Variants in WDR27 observed in about 807,000 individuals in gnomAD.
WDR27 encodes the protein WD repeat-containing protein 27.
Under a neutral mutation model 114.4 loss-of-function variants are expected in WDR27, and 100 were observed. That is an observed-to-expected ratio of 0.87 (90% confidence interval 0.74 to 1.03). WDR27 has a LOEUF of 1.03. Ranked by LOEUF, WDR27 falls within the 50% of genes least tolerant of loss-of-function variation. The pLI is 0.00. For missense variants in WDR27, 1,129 were observed against 1,092.9 expected (o/e 1.03, Z -0.47); for synonymous variants, 449 against 423.1 (o/e 1.06, Z -0.75).
intron 21 of WDR27, among the ~76,000 whole-genome samples, chr6:169,618,186 T>C (rs1812305903): frequency 6.6e-6 from 1 of 152,222 alleles, no homozygotes; most frequent in Non-Finnish European, 1.5e-5. Context: ...CATAAGTGAC[T>C]ATTCCTGAAA....
chr6:169,574,493 T>C (rs1235536234), intron 24 of WDR27, among the ~76,000 whole-genome samples: 1 of 152,194 alleles, frequency 6.6e-6, no homozygotes, highest in Non-Finnish European at 1.5e-5. Flanking sequence ...AAAAGTGATG[T>C]GAGTTCCCTG....
At chr6:169,620,103 T>A (rs1812754042) in intron 21 of WDR27, among the ~76,000 whole-genome samples, 1 of 152,210 alleles carries the variant, frequency 6.6e-6, no homozygotes, top group Admixed American at 6.5e-5. Context: ...GCATGACTCC[T>A]CAGACCCCTT....
At chr6:169,689,473 C>T (rs190958479) in intron 1 of WDR27, among the ~76,000 whole-genome samples, 9 of 152,308 alleles carry the variant, frequency 5.9e-5, no homozygotes, top group Middle Eastern at 3.4e-3. Context: ...TAGGAAACTG[C>T]AATTGGAACC....
intron 14 of WDR27, among the ~76,000 whole-genome samples, chr6:169,651,456 T>A (rs1822535420): frequency 6.6e-6 from 1 of 152,098 alleles, no homozygotes; most frequent in Non-Finnish European, 1.5e-5. Flanking sequence ...CTCCTCATGG[T>A]TTCTCAGCTG....
At chr6:169,603,422 A>G (rs1360360492) in intron 22 of WDR27, among the ~76,000 whole-genome samples, 1 of 152,166 alleles carries the variant, frequency 6.6e-6, no homozygotes, top group Admixed American at 6.5e-5. Flanking sequence ...AAAAAAAAAG[A>G]AACACAAAGA....
At chr6:169,652,205 G>A (rs2128245155) in intron 13 of WDR27, among the ~76,000 whole-genome samples, 197 bp from the exon 14 acceptor site, 1 of 152,314 alleles carries the variant, frequency 6.6e-6, no homozygotes, top group East Asian at 1.9e-4. Context: ...GGATTAAAAG[G>A]ATAAGAAAAT....
chr6:169,430,858 C>T, the WDR27 span, among the ~76,000 whole-genome samples: 5 of 152,206 alleles, frequency 3.3e-5, no homozygotes, highest in East Asian at 5.8e-4. Context: ...GTTTCTTTAA[C>T]CATGGCATCA....
the WDR27 span, chr6:169,426,457 C>T: frequency 1.3e-5 from 2 of 152,160 alleles, no homozygotes; most frequent in East Asian, 1.9e-4. Flanking sequence ...TAAAGGTTAA[C>T]CGTCTCAAAT....
intron 25 of WDR27, among the ~76,000 whole-genome samples, chr6:169,531,288 T>C (rs1795559033): frequency 6.6e-6 from 1 of 152,244 alleles, no homozygotes; most frequent in South Asian, 2.1e-4. Context: ...TCATTTTTTT[T>C]CTACTGGAGT....
chr6:169,659,424 CAGGGAGGGCCGCGTCTCA>C lies in WDR27; in HGVS notation c.1197+9_1197+26del, dbSNP rs747995408. On this transcript the variant is annotated intron_variant, in intron 11 of 25. Coordinates refer to ENST00000448612, the MANE Select transcript of WDR27 (RefSeq NM_182552.5). This position sits in a 1 kb window ranked among gnomAD's most constrained non-coding sequence, Gnocchi z 4.3. ...AGAAATCAGAGGCACGTCTCATAGACAGGGAGGGCCGCGTCTCAGGACTGACCTTTTGATCCGCAGTGC... is the reference window on the plus strand; with the variant it reads ...AGAAATCAGAGGCACGTCTCATAGACGGACTGACCTTTTGATCCGCAGTGC... The C allele has an allele frequency of 6.2e-7, 1 of 1,602,292 alleles. No homozygotes were observed. Among genetic ancestry groups the C allele is most frequent in the South Asian group, 1.1e-5 (1 of 89,372 alleles).
intron 25 of WDR27, among the ~76,000 whole-genome samples, chr6:169,466,033 C>T (rs1038091443): frequency 1.3e-5 from 2 of 152,140 alleles, no homozygotes; most frequent in African/African-American, 4.8e-5. Context: ...GTGTATTTTA[C>T]CACAATAGAA....
At chr6:169,562,632 T>C (rs1799828310) in intron 25 of WDR27, among the ~76,000 whole-genome samples, 1 of 151,886 alleles carries the variant, frequency 6.6e-6, no homozygotes, top group Non-Finnish European at 1.5e-5. Flanking sequence ...CCAGGCTGCG[T>C]GAGTGCCCCG....
the WDR27 span, among the ~76,000 whole-genome samples, chr6:169,433,303 A>G: frequency 6.6e-6 from 1 of 152,026 alleles, no homozygotes; most frequent in Non-Finnish European, 1.5e-5. Context: ...ATGTGTTCTC[A>G]TTGTCCAACT....
intron 24 of WDR27, among the ~76,000 whole-genome samples, chr6:169,575,310 ATCCC>A (rs1369434114): frequency 2.3e-4 from 15 of 64,294 alleles, no homozygotes; most frequent in African/African-American, 1.1e-3. Flanking sequence ...CCATCCATCC[ATCCC>A]TCCCTCCCTC....
chr6:169,528,419 GA>G (rs1198140488), intron 25 of WDR27, among the ~76,000 whole-genome samples: 1 of 152,182 alleles, frequency 6.6e-6, no homozygotes, highest in Non-Finnish European at 1.5e-5. Flanking sequence ...TTTCAGGCAG[GA>G]AGTGAGTGGC....
At chr6:169,643,175 G>A (rs1819659281) in intron 17 of WDR27, among the ~76,000 whole-genome samples, 1 of 152,108 alleles carries the variant, frequency 6.6e-6, no homozygotes, top group Non-Finnish European at 1.5e-5. Flanking sequence ...AGCCATATCA[G>A]GATCCTAATG....
At chr6:169,667,484 A>C in intron 5 of WDR27, 2 of 688,554 alleles carry the variant, frequency 2.9e-6, no homozygotes, top group South Asian at 1.3e-4. Context: ...AACGCTGCCA[A>C]GATAGAGGCA....
chr6:169,504,138 T>C (rs1405537926), intron 25 of WDR27, among the ~76,000 whole-genome samples: 2 of 152,220 alleles, frequency 1.3e-5, no homozygotes, highest in Non-Finnish European at 2.9e-5. Flanking sequence ...ATATTATCAG[T>C]AGAATATACT....
chr6:169,603,622 A>G (rs1459576841), intron 22 of WDR27, among the ~76,000 whole-genome samples: 1 of 152,128 alleles, frequency 6.6e-6, no homozygotes, highest in African/African-American at 2.4e-5. Flanking sequence ...CATTTCCCTC[A>G]CGATCATGTG....
Sources: gnomAD v4.1 joint callset for allele counts (sites outside exome capture counted in the v4.1 genomes callset) on GRCh38, gnomAD v4.1.1 for gene constraint, Gnocchi (gnomAD v3.1) non-coding constraint, MANE v1.5 for transcripts, NCBI Gene and HGNC (gene_info 2026-07-23, HGNC 2026-07-21) for gene names.